The following UBE2V1 variants were observed in gnomAD, a reference collection of about 807,000 sequenced individuals.
The protein encoded by UBE2V1 is ubiquitin-conjugating enzyme E2 variant 1.
In UBE2V1, 15 loss-of-function variants were observed where a neutral mutation model predicts 19.6. The observed-to-expected ratio is 0.77, with a 90% CI of 0.51 to 1.18. The LOEUF (loss-of-function observed/expected upper bound fraction) is 1.18, where lower values mean the gene tolerates loss of function less well. Among genes scored for constraint, UBE2V1 ranks in the 50% most tolerant of loss-of-function variants. The pLI is 0.00. For missense variants in UBE2V1, 125 were observed against 184.8 expected (o/e 0.68, Z 1.88); for synonymous variants, 60 against 60.7 (o/e 0.99, Z 0.05).
chr20:50,105,957 AAAAC>A (rs1173292708), intron 1 of UBE2V1, among the ~76,000 whole-genome samples: 4 of 152,086 alleles, frequency 2.6e-5, no homozygotes, highest in East Asian at 3.9e-4. Flanking sequence ...AAAAAAACAA[AAAAC>A]AAACAAACAA....
At chr20:50,108,655 C>A (rs1460626764) in intron 1 of UBE2V1, among the ~76,000 whole-genome samples, 1 of 152,170 alleles carries the variant, frequency 6.6e-6, no homozygotes, top group Non-Finnish European at 1.5e-5. Flanking sequence ...ACTTAGTAAA[C>A]CCAAGAGTGC....
chr20:50,115,347 G>A (rs566177425), upstream of UBE2V1: 26 of 1,361,352 alleles, frequency 1.9e-5, no homozygotes, highest in South Asian at 4.3e-4. Context: ...CTGGCTACAG[G>A]TGAAGCAACT....
At position 50,082,710 on chromosome 20, in the gene UBE2V1, G is replaced by A. The variant is rs780048962; in HGVS notation, c.*58C>T. The A allele has an allele frequency of 1.0e-5, 16 of 1,585,650 alleles. No individual in the cohort carries two copies. Among genetic ancestry groups the A allele is most frequent in the Non-Finnish European group, 1.3e-5 (15 of 1,173,306 alleles). On this transcript the variant is annotated 3_prime_UTR_variant, in exon 4 of 4. Coordinates refer to ENST00000371674, the MANE Select transcript of UBE2V1 (RefSeq NM_001032288.3). ...TAGAAAATTTACTACTGTGGAAAATGAAGACTGATTAAATCGAATTGGGGG... is the reference window on the plus strand; with the variant it reads ...TAGAAAATTTACTACTGTGGAAAATAAAGACTGATTAAATCGAATTGGGGG...
rs529927248 is a variant in UBE2V1 at position 50,096,582 on chromosome 20, G to C, written c.171+90C>G. 1.3e-5 allele frequency: 21 copies of C among 1,606,090 alleles called. No homozygotes were observed. The Admixed American group carries it at 1.5e-4, about 12-fold the overall frequency. On this transcript the variant is annotated intron_variant, in intron 2 of 3. Transcript: ENST00000371674. ...ATTTCAGAAAATATACCATTGGTGA[G>C]CTTTTTTTCCGTGATAAGGCTAATA...
At chr20:50,114,845 C>G (rs2080960315), upstream of UBE2V1, 1 of 152,468 alleles carries the variant, frequency 6.6e-6, no homozygotes, top group African/African-American at 2.4e-5. Flanking sequence ...GTGGGCAGAT[C>G]ACCTGAGGTC....
At chr20:50,098,732 G>T (rs552747454) in intron 1 of UBE2V1, 1 of 179,746 alleles carries the variant, frequency 5.6e-6, no homozygotes, top group African/African-American at 2.4e-5. Flanking sequence ...ACTTATTTAG[G>T]GTAAGTAATA....
intron 1 of UBE2V1, among the ~76,000 whole-genome samples, chr20:50,109,867 G>A (rs2080640886): frequency 6.6e-6 from 1 of 152,054 alleles, no homozygotes; most frequent in African/African-American, 2.4e-5. Flanking sequence ...TTGAATGTAG[G>A]GCCCATGTTG....
At chr20:50,109,486 T>A (rs1027340128) in intron 1 of UBE2V1, among the ~76,000 whole-genome samples, 27 of 152,188 alleles carry the variant, frequency 1.8e-4, no homozygotes, top group African/African-American at 5.8e-4. Flanking sequence ...CACGGTGACT[T>A]ACGCCTGTAA....
chr20:50,112,257 G>A (rs890682758), intron 1 of UBE2V1, among the ~76,000 whole-genome samples: 5 of 152,118 alleles, frequency 3.3e-5, no homozygotes, highest in South Asian at 2.1e-4. Flanking sequence ...CACTCCCAAA[G>A]AGACATCCTC....
intron 1 of UBE2V1, among the ~76,000 whole-genome samples, chr20:50,108,079 T>C (rs891458652): frequency 5.9e-5 from 9 of 152,082 alleles, no homozygotes; most frequent in Non-Finnish European, 1.2e-4. Flanking sequence ...GGTTATTCTG[T>C]AATAAGAGCA....
In UBE2V1 at chr20:50,096,839, A is replaced by T; in HGVS notation, c.23-19T>A. 1 of 1,613,580 alleles carries T rather than the reference A, an allele frequency of 6.2e-7. No individual in the cohort carries two copies. The highest frequency in any genetic ancestry group is 8.5e-7 in the Non-Finnish European group (1 of 1,179,714). Reference sequence around the variant, plus strand: ...TTTACTCCTAAAATAAATGGAAAGAAATTCAAGATACCAGCAACTCCAGGG... The same window carrying T: ...TTTACTCCTAAAATAAATGGAAAGATATTCAAGATACCAGCAACTCCAGGG... On this transcript the variant is annotated intron_variant, in intron 1 of 3. Transcript: ENST00000371674.
In UBE2V1 at chr20:50,091,579, G is replaced by A. The variant is rs149008659; in HGVS notation, c.171+5093C>T. ...CTAATTTTTATACTTTTTTAGTAGC[G>A]ACCGGGTTTCGCCATATTGGCCAGG... On this transcript the variant is annotated intron_variant, in intron 2 of 3. Transcript: ENST00000371674. Among the ~76,000 whole-genome samples, 20 of 151,578 alleles carry A rather than the reference G, an allele frequency of 1.3e-4. No homozygotes were observed. In the East Asian group the frequency reaches 2.2e-3, roughly 16 times the overall value.
upstream of UBE2V1, chr20:50,113,262 T>C (rs1320585263): frequency 1.5e-6 from 1 of 654,898 alleles, no homozygotes; most frequent in East Asian, 3.6e-5. Flanking sequence ...GCACGACCCG[T>C]GGCCTGGAAG....
intron 2 of UBE2V1, among the ~76,000 whole-genome samples, chr20:50,091,830 C>T (rs1444962203): frequency 6.6e-6 from 1 of 152,162 alleles, no homozygotes; most frequent in Non-Finnish European, 1.5e-5. Flanking sequence ...TATATATTTA[C>T]GTTTGCATAC....
rs1338922277 is a variant in UBE2V1, at chr20:50,104,314, TG to T, written c.23-7495del. ...AAAAAAAAAAGGCAGTATTTCCTATTGTAAACTCTAATCTACTGGGTCCAAA... is the reference window on the plus strand; with the variant it reads ...AAAAAAAAAAGGCAGTATTTCCTATTTAAACTCTAATCTACTGGGTCCAAA... On this transcript the variant is annotated intron_variant, in intron 1 of 3. Transcript: ENST00000371674. 44 of 982,006 alleles carry T rather than the reference TG, an allele frequency of 4.5e-5. No individual in the cohort carries two copies. The African/African-American group carries it at 7.3e-4, about 16-fold the overall frequency. The allele number at this position is 982,006 out of a possible 1,614,324, so 60.8% of individuals were successfully genotyped here. A position where few individuals can be genotyped will look rare whatever the true frequency, so the allele number is the denominator to read the frequency against.
At chr20:50,099,673 C>T (rs1178260904) in intron 1 of UBE2V1, among the ~76,000 whole-genome samples, 2 of 152,188 alleles carry the variant, frequency 1.3e-5, no homozygotes, top group African/African-American at 4.8e-5. Flanking sequence ...AGCCAAGCTC[C>T]CTCAGCTTCT....
chr20:50,085,635 G>A (rs2078872329), intron 2 of UBE2V1, among the ~76,000 whole-genome samples: 1 of 152,126 alleles, frequency 6.6e-6, no homozygotes, highest in Non-Finnish European at 1.5e-5. Flanking sequence ...TGTAAACAGC[G>A]GCATCTAGTG....
At chr20:50,088,532 T>C (rs1226300194) in intron 2 of UBE2V1, among the ~76,000 whole-genome samples, 1 of 152,198 alleles carries the variant, frequency 6.6e-6, no homozygotes, top group Non-Finnish European at 1.5e-5. Context: ...ACGCCTGTAA[T>C]CTCAGCACTT....
chr20:50,098,452 T>A (rs11086301), intron 1 of UBE2V1, among the ~76,000 whole-genome samples: 1 of 152,174 alleles, frequency 6.6e-6, no homozygotes, highest in Non-Finnish European at 1.5e-5. Context: ...GCTACTGCAA[T>A]AATCCTAGCA....
Sources: allele counts gnomAD v4.1 joint callset (sites outside exome capture counted in the v4.1 genomes callset), GRCh38; gene constraint gnomAD v4.1.1; transcripts MANE v1.5; gene names NCBI Gene and HGNC (gene_info 2026-07-23, HGNC 2026-07-21).